Variants in NAV3 observed in about 807,000 individuals in gnomAD.
NAV3 encodes pore membrane and/or filament interacting like protein 1.
NAV3 carries 87 observed loss-of-function variants against 244.7 expected under a neutral mutation model. The ratio of observed to expected loss-of-function variants is 0.36; its 90% CI spans 0.30 to 0.42. NAV3 has a LOEUF of 0.42. Among genes scored for constraint, NAV3 ranks in the 20% least tolerant of loss-of-function variants. The pLI, the probability that NAV3 is intolerant of heterozygous loss-of-function variation, is 1.00. For missense variants in NAV3, 2,663 were observed against 2,893.3 expected (o/e 0.92, Z 1.83); for synonymous variants, 1,126 against 1,042.2 (o/e 1.08, Z -1.55).
chr12:77,888,320 A>C (rs1000212144), intron 1 of NAV3, among the ~76,000 whole-genome samples: 1 of 152,048 alleles, frequency 6.6e-6, no homozygotes, highest in African/African-American at 2.4e-5. Context: ...CAAAGAAATA[A>C]ATAAAAATTA....
rs1368088969 is a variant in NAV3, at chr12:77,644,222, T to G, written c.72+71956T>G. On this transcript the variant is annotated intron_variant, in intron 2 of 8. Coordinates refer to the NAV3 transcript ENST00000550042. ...TCCCCCCAAAAAAGAGGAAAGTCTG[T>G]GGAACCTTTTCTGTTTTCTTTAAGA... Among the ~76,000 whole-genome samples, 11 of 152,194 alleles carry G rather than the reference T, an allele frequency of 7.2e-5. No homozygotes were observed. In the East Asian group the frequency reaches 2.1e-3, roughly 29 times the overall value.
chr12:77,865,523 C>A (rs1339028625), intron 1 of NAV3, among the ~76,000 whole-genome samples: 1 of 151,690 alleles, frequency 6.6e-6, no homozygotes, highest in African/African-American at 2.4e-5. Context: ...AATGTTTAAC[C>A]CCTTTGAAAT....
chr12:77,911,082 C>T (rs1050468106), intron 1 of NAV3, among the ~76,000 whole-genome samples: 2 of 151,982 alleles, frequency 1.3e-5, no homozygotes, highest in African/African-American at 2.4e-5. Context: ...CTATAGAGAT[C>T]GTGTATGAAT....
Position 78,159,478 on chromosome 12 carries a change from A to G in NAV3, c.4869+192A>G, listed in dbSNP as rs548624470. On this transcript the variant is annotated intron_variant, in intron 23 of 39. Transcript: ENST00000397909. ...CAGGAGTTCGAGACCAGCCTGGCCAACGTGGTAAAATCCCATCTCTACTAA... is the reference window on the plus strand; with the variant it reads ...CAGGAGTTCGAGACCAGCCTGGCCAGCGTGGTAAAATCCCATCTCTACTAA... Among the ~76,000 whole-genome samples, 94 of 152,124 alleles carry G rather than the reference A, an allele frequency of 6.2e-4. 1 individual carries two copies. Among genetic ancestry groups the G allele is most frequent in the African/African-American group, 2.2e-3 (90 of 41,510 alleles).
chr12:78,091,562 C>T (rs528244066), intron 12 of NAV3: 7 of 151,912 alleles, frequency 4.6e-5, no homozygotes, highest in South Asian at 2.1e-4. Context: ...TTTGGGAGGC[C>T]GAGGCGGGCG....
chr12:78,116,671 G>A lies in NAV3; in HGVS notation c.2637-101G>A, dbSNP rs1955394704. On this transcript the variant is annotated intron_variant, in intron 12 of 39. Coordinates refer to ENST00000397909, the MANE Select transcript of NAV3 (RefSeq NM_001024383.2). ...ACTTTTCATAAGATATTTTTTAAAA[G>A]AATGTCTTAATAATAAATTGTGAAT... 5 of 1,223,482 alleles carry A rather than the reference G, an allele frequency of 4.1e-6. 1 individual carries two copies. The highest frequency in any genetic ancestry group is 3.1e-5 in the Admixed American group (1 of 31,876). 75.8% of individuals were successfully genotyped at this position (1,223,482 alleles called of 1,614,324 possible).
chr12:77,962,289 T>C (rs2137872751), intron 3 of NAV3, among the ~76,000 whole-genome samples: 1 of 152,254 alleles, frequency 6.6e-6, no homozygotes, highest in South Asian at 2.1e-4. Context: ...TGAATTTAGA[T>C]CTCCACCCCA....
At chr12:78,139,767 C>T (rs142716716) in intron 19 of NAV3, among the ~76,000 whole-genome samples, 1 of 151,718 alleles carries the variant, frequency 6.6e-6, no homozygotes, top group Non-Finnish European at 1.5e-5. Flanking sequence ...AGTAAAGGAA[C>T]AGTAATTCCA....
At chr12:78,129,037 A>G (rs1277759829) in intron 18 of NAV3, among the ~76,000 whole-genome samples, 171 bp downstream of exon 18, 1 of 152,168 alleles carries the variant, frequency 6.6e-6, no homozygotes, top group Admixed American at 6.5e-5. Context: ...AAAAATCTCC[A>G]AACATTATGC....
At chr12:77,972,323 T>A (rs925897638) in intron 5 of NAV3, among the ~76,000 whole-genome samples, 4 of 152,210 alleles carry the variant, frequency 2.6e-5, no homozygotes, top group Non-Finnish European at 5.9e-5. Flanking sequence ...ATTCAGATTT[T>A]AAGTTTCTTA....
chr12:77,802,113 T>C (rs533530312), intron 2 of NAV3, among the ~76,000 whole-genome samples: 29 of 152,334 alleles, frequency 1.9e-4, no homozygotes, highest in Middle Eastern at 6.8e-3. Flanking sequence ...AGCTATCTTC[T>C]AGAAGGAGCC....
chr12:77,990,533 A>T (rs1197924802), intron 5 of NAV3, among the ~76,000 whole-genome samples: 1 of 152,232 alleles, frequency 6.6e-6, no homozygotes, highest in Non-Finnish European at 1.5e-5. Flanking sequence ...AGTTTCTCAG[A>T]TTTTAAAACT....
chr12:77,754,451 A>G (rs1420769192), intron 2 of NAV3, among the ~76,000 whole-genome samples: 2 of 152,158 alleles, frequency 1.3e-5, no homozygotes, highest in Non-Finnish European at 2.9e-5. Flanking sequence ...GGTGACCTTC[A>G]TTGCTCCTGA....
chr12:77,946,308 G>A (rs945485004), intron 3 of NAV3, among the ~76,000 whole-genome samples: 1 of 151,420 alleles, frequency 6.6e-6, no homozygotes, highest in African/African-American at 2.4e-5. Flanking sequence ...ATATGTGTAT[G>A]TGTGTGGATA....
At chr12:77,988,863 T>C (rs1313927712) in intron 5 of NAV3, among the ~76,000 whole-genome samples, 1 of 152,194 alleles carries the variant, frequency 6.6e-6, no homozygotes, top group Non-Finnish European at 1.5e-5. Flanking sequence ...TAATATGTTA[T>C]AAACTTGAAA....
chr12:77,998,551 A>C (rs780511446), intron 7 of NAV3, 75 bp downstream of exon 7: 90 of 1,456,694 alleles, frequency 6.2e-5, no homozygotes, highest in Non-Finnish European at 4.9e-5. Context: ...CTAATATTTG[A>C]GCAGCGTAAC....
At chr12:77,911,843 T>A (rs1360837700) in intron 1 of NAV3, among the ~76,000 whole-genome samples, 1 of 151,866 alleles carries the variant, frequency 6.6e-6, no homozygotes, top group Non-Finnish European at 1.5e-5. Flanking sequence ...ATTAGAAATA[T>A]TCTTATACCA....
chr12:78,132,615 C>A (rs867566975), intron 18 of NAV3, among the ~76,000 whole-genome samples: 2 of 152,142 alleles, frequency 1.3e-5, no homozygotes, highest in Non-Finnish European at 2.9e-5. Context: ...AAACCCTGGG[C>A]AATGCAATTC....
At chr12:77,766,231 C>G (rs1243221161) in intron 2 of NAV3, among the ~76,000 whole-genome samples, 1 of 152,148 alleles carries the variant, frequency 6.6e-6, no homozygotes, top group Non-Finnish European at 1.5e-5. Context: ...AGTGAGGAAA[C>G]AGGAAATAGA....
Sources: gnomAD v4.1 joint callset for allele counts (sites outside exome capture counted in the v4.1 genomes callset) on GRCh38, gnomAD v4.1.1 for gene constraint, MANE v1.5 for transcripts, NCBI Gene and HGNC (gene_info 2026-07-23, HGNC 2026-07-21) for gene names.